The following SDR42E2 variants were observed in gnomAD, a reference collection of about 807,000 sequenced individuals.
SDR42E2 encodes the protein short chain dehydrogenase/reductase family 42E, member 2, also known as putative short-chain dehydrogenase/reductase family 42E member 2.
A neutral mutation model predicts 10.5 loss-of-function variants in SDR42E2; 20 were observed. The ratio of observed to expected loss-of-function variants is 1.90; its 90% CI spans 1.34 to 2.77. The LOEUF (loss-of-function observed/expected upper bound fraction) is 2.77. Among genes scored for constraint, SDR42E2 ranks in the 30% most tolerant of loss-of-function variants. SDR42E2 has a pLI of 0.00. For synonymous variants in SDR42E2, 72 were observed against 39.2 expected, an observed-to-expected ratio of 1.84 and a Z score of -3.12; for missense variants, 162 against 104.2, an observed-to-expected ratio of 1.55 and a Z score of -2.42.
intron 8 of SDR42E2, 29 bp downstream of exon 8, chr16:22,178,241 G>A (rs1455278458): frequency 1.4e-6 from 1 of 701,542 alleles, no homozygotes; most frequent in Non-Finnish European, 2.6e-6. Context: ...CAGGACCCAA[G>A]TCAGAGAAGG....
At chr16:22,171,060 T>G in intron 6 of SDR42E2, 109 bp downstream of exon 6, 1 of 673,010 alleles carries the variant, frequency 1.5e-6, no homozygotes, top group Non-Finnish European at 2.7e-6. Flanking sequence ...GGATACGTCC[T>G]AGCAGGAAGG....
At chr16:22,184,348 T>A (rs1317683924) in intron 11 of SDR42E2, 104 bp downstream of exon 11, 17 of 387,302 alleles carry the variant, frequency 4.4e-5, no homozygotes, top group Non-Finnish European at 7.3e-5. Flanking sequence ...ACGCCTGTAA[T>A]CCTAGCACTT....
In SDR42E2 at chr16:22,190,379, G is replaced by C. The variant is rs530901882; in HGVS notation, c.1255G>C (p.Val419Leu). Reference sequence around the variant, plus strand: ...AGGCCTGCAGCCTCTGCACGCCGCCGTGGAGCGCCTGTGACCGTCCGCCGT... The same window carrying C: ...AGGCCTGCAGCCTCTGCACGCCGCCCTGGAGCGCCTGTGACCGTCCGCCGT... Reference protein sequence around the residue: ...FLGLQPLHAAVERL With the variant: ...FLGLQPLHAALERL The change falls in exon 13 of 13, where the codon GTG becomes CTG. Residue 419 changes from valine (V) to leucine (L), a missense_variant. Transcript: ENST00000602312. The C allele has an allele frequency of 2.5e-6, 1 of 402,442 alleles. No individual in the cohort carries two copies. Among genetic ancestry groups the C allele is most frequent in the South Asian group, 1.1e-4 (1 of 8,798 alleles). 24.9% of individuals were successfully genotyped at this position (402,442 alleles called of 1,614,324 possible).
In SDR42E2 at chr16:22,171,770, A is replaced by G. The variant is rs555868767; in HGVS notation, c.514-486A>G. Among the ~76,000 whole-genome samples the G allele has an allele frequency of 5.3e-5, 8 of 152,160 alleles. No homozygotes were observed. In the South Asian group the frequency reaches 1.7e-3, roughly 32 times the overall value. On this transcript the variant is annotated intron_variant, in intron 6 of 12. Transcript: ENST00000602312. ...TGGTCTCGAACTCCTGGGCTCAATC[A>G]ATCCTCCCTCCTGCGGCTGTCAAAG... is the stretch of plus-strand genomic sequence containing the variant.
In SDR42E2 at chr16:22,169,432, T is replaced by C. The variant is rs990151953; in HGVS notation, c.337-13T>C. On this transcript the variant is annotated splice_polypyrimidine_tract_variant and intron_variant, in intron 4 of 12. Transcript: ENST00000602312. ...GGTAGCACCATGACTTTCTCACCTGTCTTGTCTTTTAGCTGCAGAAAGAGC... is the reference window on the plus strand; with the variant it reads ...GGTAGCACCATGACTTTCTCACCTGCCTTGTCTTTTAGCTGCAGAAAGAGC... The C allele has an allele frequency of 4.3e-6, 3 of 703,344 alleles. No homozygotes were observed. The African/African-American group carries it at 5.2e-5, about 12-fold the overall frequency. The allele number at this position is 703,344 out of a possible 1,614,324, so 43.6% of individuals were successfully genotyped here.
chr16:22,166,487 C>T, intron 3 of SDR42E2, 53 bp downstream of exon 3: 1 of 402,526 alleles, frequency 2.5e-6, no homozygotes, highest in East Asian at 3.6e-5. Flanking sequence ...GGTCAGGGGA[C>T]AGTGTTTGAT....
rs567672776 is a variant in SDR42E2, at chr16:22,170,939, C to A, written c.501C>A (p.Phe167Leu). 22 of 703,038 alleles carry A rather than the reference C, an allele frequency of 3.1e-5. No homozygotes were observed. The highest frequency in any genetic ancestry group is 3.0e-4 in the African/African-American group (17 of 57,386). The allele number at this position is 703,038 out of a possible 1,614,324, so 43.5% of individuals were successfully genotyped here. The change falls in exon 6 of 13, where the codon TTC becomes TTA. Residue 167 changes from phenylalanine to leucine, a missense_variant. Phe to Leu is a conservative substitution (Grantham distance 22). Transcript: ENST00000602312. Reference protein sequence around the residue: ...EQGDEDSVPYFPLDEHVDHYS... With the variant: ...EQGDEDSVPYLPLDEHVDHYS... ...GCGATGAGGACTCTGTGCCATATTT[C>A]CCATTGGACGAGGTACCTGTCTTCC...
chr16:22,170,744 G>A (rs562396651), intron 5 of SDR42E2, 89 bp from the exon 6 acceptor site: 67 of 691,586 alleles, frequency 9.7e-5, no homozygotes, highest in South Asian at 9.3e-4. Flanking sequence ...CTCCTCAGCC[G>A]ACTCTATGCT....
At chr16:22,183,846 C>T (rs139840545) in intron 10 of SDR42E2, among the ~76,000 whole-genome samples, 2 of 151,618 alleles carry the variant, frequency 1.3e-5, no homozygotes, top group East Asian at 1.9e-4. Flanking sequence ...GTAATCCCAG[C>T]ACTTTTGGGA....
intron 7 of SDR42E2, 24 bp from the exon 8 acceptor site, chr16:22,178,104 CCT>C: frequency 4.3e-6 from 3 of 700,674 alleles, no homozygotes; most frequent in Non-Finnish European, 7.8e-6. Context: ...TCCCCTGACC[CCT>C]GACCACGCTT....
intron 4 of SDR42E2, among the ~76,000 whole-genome samples, 166 bp downstream of exon 4, chr16:22,167,165 ATTTTTTTTTTTTTTTTT>A (rs534502295): frequency 0.18 from 6,644 of 37,890 alleles, 390 homozygotes; most frequent in South Asian, 0.24. Context: ...CAGTTCTGCC[ATTTTTTTTTTTTTTTTT>A]TTTTTTTTTT....
chr16:22,181,537 C>T lies in SDR42E2; in HGVS notation c.691C>T (p.Leu231=), dbSNP rs528306964. The change falls in exon 9 of 13, where the codon CTG becomes TTG. Residue 231 remains leucine (L), a synonymous_variant. Coordinates refer to ENST00000602312, the MANE Select transcript of SDR42E2 (RefSeq NM_001394319.2). ...CCACCAGGGCCACATCAAGAAGAGG[C>T]TGTTCATGTTCCGATTTGGGGACCA... The part of the protein sequence containing the change: ...PRVAGHIKKR[L]FMFRFGDHKA... 23 of 703,066 alleles carry T rather than the reference C, an allele frequency of 3.3e-5. 1 individual carries two copies. Among genetic ancestry groups the T allele is most frequent in the South Asian group, 3.3e-4 (22 of 67,596 alleles). 43.6% of individuals were successfully genotyped at this position (703,066 alleles called of 1,614,324 possible).
At chr16:22,167,061 C>A in intron 4 of SDR42E2, 62 bp downstream of exon 4, 1 of 684,062 alleles carries the variant, frequency 1.5e-6, no homozygotes, top group South Asian at 1.5e-5. Context: ...CTGGCTCTGC[C>A]CTCACACCCA....
intron 9 of SDR42E2, 85 bp downstream of exon 9, chr16:22,181,741 C>T: frequency 1.6e-6 from 1 of 640,406 alleles, no homozygotes; most frequent in Non-Finnish European, 2.8e-6. Context: ...CTGGATGGCA[C>T]ACAAGATTTC....
At chr16:22,173,662 A>G (rs1489873115) in intron 7 of SDR42E2, among the ~76,000 whole-genome samples, 1 of 152,042 alleles carries the variant, frequency 6.6e-6, no homozygotes, top group Non-Finnish European at 1.5e-5. Flanking sequence ...GGTAAAAACC[A>G]TAGATATCCC....
chr16:22,172,163 C>G (rs1451083018), intron 6 of SDR42E2, 93 bp from the exon 7 acceptor site: 2 of 691,514 alleles, frequency 2.9e-6, no homozygotes, highest in African/African-American at 3.5e-5. Context: ...CAGTGGGAGT[C>G]CCCAGGGAAG....
At chr16:22,183,816 G>A (rs866800664) in intron 10 of SDR42E2, among the ~76,000 whole-genome samples, 7 of 152,050 alleles carry the variant, frequency 4.6e-5, no homozygotes, top group African/African-American at 9.7e-5. Flanking sequence ...GCTACCTGGC[G>A]GGTGTAATGG....
intron 3 of SDR42E2, among the ~76,000 whole-genome samples, 164 bp from the exon 4 acceptor site, chr16:22,166,740 A>G (rs2046543798): frequency 6.6e-6 from 1 of 152,164 alleles, no homozygotes; most frequent in South Asian, 2.1e-4. Flanking sequence ...GGTGCCCTGT[A>G]GAATCATTTA....
chr16:22,182,417 A>G (rs2142077891), intron 10 of SDR42E2, 140 bp downstream of exon 10: 1 of 386,872 alleles, frequency 2.6e-6, no homozygotes, highest in Non-Finnish European at 4.6e-6. Context: ...GTACAATCTC[A>G]GCTCACTGCA....
Sources: allele counts gnomAD v4.1 joint callset (sites outside exome capture counted in the v4.1 genomes callset), GRCh38; gene constraint gnomAD v4.1.1; transcripts MANE v1.5; gene names NCBI Gene and HGNC (gene_info 2026-07-23, HGNC 2026-07-21).